The following ANO10 variants were observed in gnomAD, a reference collection of about 807,000 sequenced individuals.
The protein encoded by ANO10 is anoctamin-10.
Under a neutral mutation model 74.7 loss-of-function variants are expected in ANO10, and 77 were observed. The observed-to-expected ratio is 1.03, with a 90% CI of 0.86 to 1.25. The LOEUF is 1.25. Ranked by LOEUF, ANO10 falls within the 50% of genes most tolerant of loss-of-function variation. ANO10 has a pLI of 0.00. For missense variants in ANO10, 721 were observed against 778.1 expected (o/e 0.93, Z 0.87); for synonymous variants, 279 against 284.9 (o/e 0.98, Z 0.21).
intron 11 of ANO10, among the ~76,000 whole-genome samples, chr3:43,492,668 G>A (rs2076768584): frequency 6.6e-6 from 1 of 152,106 alleles, no homozygotes; most frequent in South Asian, 2.1e-4. Flanking sequence ...TTTATGCGGT[G>A]AACAGACATA....
At chr3:43,492,327 C>T (rs1014002826) in intron 11 of ANO10, among the ~76,000 whole-genome samples, 1 of 152,154 alleles carries the variant, frequency 6.6e-6, no homozygotes, top group African/African-American at 2.4e-5. Context: ...GACCTAGGAC[C>T]AGAAAAATCC....
At chr3:43,421,309 TC>T (rs1426731439) in intron 12 of ANO10, among the ~76,000 whole-genome samples, 2 of 151,934 alleles carry the variant, frequency 1.3e-5, no homozygotes, top group Non-Finnish European at 2.9e-5. Context: ...TTGCTTGAGC[TC>T]AGAAGATCTA....
chr3:43,563,507 T>C (rs1001837509), intron 8 of ANO10, among the ~76,000 whole-genome samples: 1 of 150,542 alleles, frequency 6.6e-6, no homozygotes, highest in East Asian at 2.0e-4. Flanking sequence ...TGGGTATTTA[T>C]CCAAAGGAAA....
intron 7 of ANO10, among the ~76,000 whole-genome samples, chr3:43,572,338 C>T (rs1207663701): frequency 6.6e-6 from 1 of 152,172 alleles, no homozygotes; most frequent in African/African-American, 2.4e-5. Context: ...CCAGGCAGCA[C>T]TGGCAAGAAG....
intron 1 of ANO10, among the ~76,000 whole-genome samples, chr3:43,686,164 T>C (rs1238167672): frequency 1.3e-5 from 2 of 152,156 alleles, no homozygotes; most frequent in African/African-American, 4.8e-5. Flanking sequence ...CTCTCATGCC[T>C]TACTCCAGAC....
At chr3:43,468,153 G>A (rs1383736305) in intron 11 of ANO10, among the ~76,000 whole-genome samples, 1 of 152,094 alleles carries the variant, frequency 6.6e-6, no homozygotes, top group Non-Finnish European at 1.5e-5. Context: ...ATAATTTTTA[G>A]CAGTGATTTC....
chr3:43,379,955 A>G (rs1277920029), intron 12 of ANO10, among the ~76,000 whole-genome samples: 1 of 152,236 alleles, frequency 6.6e-6, no homozygotes, highest in African/African-American at 2.4e-5. Context: ...CAGGATATGA[A>G]TGGAAAAATC....
chr3:43,449,038 G>T (rs914011631), intron 11 of ANO10, among the ~76,000 whole-genome samples: 1 of 151,648 alleles, frequency 6.6e-6, no homozygotes, highest in Non-Finnish European at 1.5e-5. Flanking sequence ...TGCCATGACT[G>T]CCTAAGTTTT....
At chr3:43,369,480 C>CT (rs2091528877) in intron 12 of ANO10, among the ~76,000 whole-genome samples, 2 of 152,262 alleles carry the variant, frequency 1.3e-5, no homozygotes, top group Admixed American at 1.3e-4. Context: ...TGGAGCAAGG[C>CT]TTCTTTTAAA....
At chr3:43,648,416 A>T (rs1440021157) in intron 1 of ANO10, among the ~76,000 whole-genome samples, 1 of 152,210 alleles carries the variant, frequency 6.6e-6, no homozygotes, top group Non-Finnish European at 1.5e-5. Context: ...TTAAGAAAGT[A>T]GAGGAATAAA....
intron 1 of ANO10, among the ~76,000 whole-genome samples, chr3:43,670,371 G>T (rs2149577094): frequency 6.7e-6 from 1 of 149,694 alleles, no homozygotes; most frequent in Non-Finnish European, 1.5e-5. Flanking sequence ...TAAATCTGGA[G>T]ATCATTTCTA....
intron 1 of ANO10, among the ~76,000 whole-genome samples, chr3:43,620,302 G>T (rs2083323236): frequency 6.6e-6 from 1 of 152,078 alleles, no homozygotes; most frequent in African/African-American, 2.4e-5. Flanking sequence ...AAAAGCAAAA[G>T]TATGAAGTAA....
At chr3:43,515,019 C>T (rs1020010546) in intron 11 of ANO10, among the ~76,000 whole-genome samples, 4 of 151,986 alleles carry the variant, frequency 2.6e-5, no homozygotes, top group Non-Finnish European at 5.9e-5. Flanking sequence ...ACTAGAAAAA[C>T]AAAAGCAAAT....
intron 11 of ANO10, among the ~76,000 whole-genome samples, chr3:43,501,531 G>A (rs62250946): frequency 0.055 from 8,408 of 152,080 alleles, 268 homozygotes; most frequent in African/African-American, 0.071. Context: ...CAGTGAAGGG[G>A]GTCTGAGAAA....
intron 11 of ANO10, among the ~76,000 whole-genome samples, chr3:43,489,239 G>A (rs541360983): frequency 1.1e-4 from 16 of 151,506 alleles, no homozygotes; most frequent in African/African-American, 3.6e-4. Flanking sequence ...GTTAGTGGGT[G>A]CAGTGCACCA....
intron 12 of ANO10, among the ~76,000 whole-genome samples, chr3:43,387,281 C>T (rs1234914979): frequency 6.6e-6 from 1 of 152,104 alleles, no homozygotes; most frequent in Non-Finnish European, 1.5e-5. Flanking sequence ...ATATGTGGTC[C>T]GTCATTGACC....
intron 11 of ANO10, among the ~76,000 whole-genome samples, chr3:43,506,841 T>A (rs2077312988): frequency 6.6e-6 from 1 of 152,204 alleles, no homozygotes; most frequent in African/African-American, 2.4e-5. Context: ...TGGTACTTCC[T>A]ATCTCCCTTC....
At chr3:43,689,051 T>C (rs1254702600) in intron 1 of ANO10, among the ~76,000 whole-genome samples, 2 of 151,980 alleles carry the variant, frequency 1.3e-5, no homozygotes, top group Non-Finnish European at 2.9e-5. Flanking sequence ...GTAGGTGCCA[T>C]ACACTTTTAA....
At chr3:43,474,564 G>T (rs1221700727) in intron 11 of ANO10, among the ~76,000 whole-genome samples, 1 of 152,090 alleles carries the variant, frequency 6.6e-6, no homozygotes, top group Non-Finnish European at 1.5e-5. Context: ...TTTTAAAACA[G>T]CTCTTTGATG....
Sources: allele counts gnomAD v4.1 joint callset (sites outside exome capture counted in the v4.1 genomes callset), GRCh38; gene constraint gnomAD v4.1.1; transcripts MANE v1.5; gene names NCBI Gene and HGNC (gene_info 2026-07-23, HGNC 2026-07-21).